The following MAPK6 variants were observed in gnomAD, a reference collection of about 807,000 sequenced individuals.
The protein encoded by MAPK6 is mitogen-activated protein kinase 6.
MAPK6 carries 19 observed loss-of-function variants against 59.3 expected under a neutral mutation model. That is an observed-to-expected ratio of 0.32 (90% CI 0.22 to 0.47). MAPK6 has a LOEUF of 0.47. Among genes scored for constraint, MAPK6 ranks in the 20% least tolerant of loss-of-function variants. MAPK6 has a pLI of 1.00. For missense variants in MAPK6, 724 were observed against 847.9 expected, an observed-to-expected ratio of 0.85 and a Z score of 1.81; for synonymous variants, 316 against 290.3, an observed-to-expected ratio of 1.09 and a Z score of -0.90.
intron 3 of MAPK6, among the ~76,000 whole-genome samples, chr15:52,007,414 A>G (rs1480078992): frequency 2.0e-5 from 3 of 152,218 alleles, no homozygotes; most frequent in Admixed American, 6.5e-5. Flanking sequence ...CTGCTAAGCT[A>G]GTTAAGAAGA....
chr15:51,971,854 C>T (rs1219004388), exon 1 of MAPK6: 1 of 1,206,602 alleles, frequency 8.3e-7, no homozygotes, highest in South Asian at 1.2e-5. Context: ...GAAGACACTC[C>T]TTTCCTTACG....
At chr15:52,043,523 A>G (rs2031493781) in intron 1 of MAPK6, among the ~76,000 whole-genome samples, 1 of 151,550 alleles carries the variant, frequency 6.6e-6, no homozygotes, top group African/African-American at 2.4e-5. Flanking sequence ...TCTCGAACTC[A>G]CGACCTGAGG....
At chr15:52,029,430 C>T (rs559592826) in intron 1 of MAPK6, among the ~76,000 whole-genome samples, 1 of 152,128 alleles carries the variant, frequency 6.6e-6, no homozygotes, top group Non-Finnish European at 1.5e-5. Flanking sequence ...AAATTCTTCC[C>T]TAGATGGTCT....
At chr15:51,989,511 G>C (rs1002510054) in intron 2 of MAPK6, among the ~76,000 whole-genome samples, 1 of 152,156 alleles carries the variant, frequency 6.6e-6, no homozygotes, top group East Asian at 1.9e-4. Flanking sequence ...ATACACAGGA[G>C]AGCTTCTTCA....
chr15:52,006,839 C>G (rs2029903622), intron 3 of MAPK6, among the ~76,000 whole-genome samples: 1 of 152,182 alleles, frequency 6.6e-6, no homozygotes, highest in East Asian at 1.9e-4. Flanking sequence ...CCATCCTTCT[C>G]TGTGGTCTCA....
intron 1 of MAPK6, among the ~76,000 whole-genome samples, chr15:52,033,097 A>G (rs1357947464): frequency 6.6e-6 from 1 of 152,228 alleles, no homozygotes; most frequent in Non-Finnish European, 1.5e-5. Context: ...GGCATAAGCC[A>G]CGGCACCTGG....
At chr15:51,979,631 A>C (rs1371379644) in intron 1 of MAPK6, among the ~76,000 whole-genome samples, 1 of 151,670 alleles carries the variant, frequency 6.6e-6, no homozygotes, top group Non-Finnish European at 1.5e-5. Flanking sequence ...CATCACTACG[A>C]AAAATACTAA....
chr15:52,062,031 TAACATAAA>T (rs2032224057), intron 5 of MAPK6, among the ~76,000 whole-genome samples: 1 of 151,974 alleles, frequency 6.6e-6, no homozygotes, highest in South Asian at 2.1e-4. Context: ...AGTTATATCT[TAACATAAA>T]AAGTATTTGA....
At chr15:52,043,703 T>C (rs550822892) in intron 1 of MAPK6, among the ~76,000 whole-genome samples, 1 of 147,830 alleles carries the variant, frequency 6.8e-6, no homozygotes, top group Non-Finnish European at 1.5e-5. Context: ...ATGGCTCAGC[T>C]AGATAATAGC....
chr15:52,040,364 A>C (rs2031378711), intron 1 of MAPK6, among the ~76,000 whole-genome samples: 1 of 152,222 alleles, frequency 6.6e-6, no homozygotes, highest in Non-Finnish European at 1.5e-5. Context: ...GAGCAAAATA[A>C]GAGCCTTTGT....
intron 2 of MAPK6, among the ~76,000 whole-genome samples, chr15:51,998,088 C>G (rs1318101375): frequency 2.6e-5 from 4 of 151,854 alleles, no homozygotes; most frequent in Admixed American, 6.6e-5. Context: ...GGACTACGGG[C>G]ACATGCCACC....
intron 2 of MAPK6, among the ~76,000 whole-genome samples, chr15:52,001,210 G>A (rs564648336): frequency 6.6e-6 from 1 of 152,202 alleles, no homozygotes. Flanking sequence ...CTCTCCAGAG[G>A]ATGCAGCCCT....
At chr15:52,060,354 C>T (rs1489989357) in intron 4 of MAPK6, among the ~76,000 whole-genome samples, 1 of 152,010 alleles carries the variant, frequency 6.6e-6, no homozygotes, top group Non-Finnish European at 1.5e-5. Flanking sequence ...TGTGAGTGAC[C>T]ATAGTGAAGA....
chr15:52,021,609 C>T (rs914993693), intron 1 of MAPK6: 2 of 152,150 alleles, frequency 1.3e-5, no homozygotes, highest in Admixed American at 6.6e-5. Context: ...ATGTTTGATA[C>T]TAGCAGTTTT....
At chr15:52,054,415 A>G (rs552281462) in intron 3 of MAPK6, among the ~76,000 whole-genome samples, 2 of 152,146 alleles carry the variant, frequency 1.3e-5, no homozygotes, top group Non-Finnish European at 2.9e-5. Flanking sequence ...ATTCTTTTGC[A>G]TGTGGACATC....
intron 3 of MAPK6, among the ~76,000 whole-genome samples, chr15:52,054,994 G>C (rs189967536): frequency 1.3e-5 from 2 of 152,156 alleles, no homozygotes; most frequent in Non-Finnish European, 2.9e-5. Context: ...TGGCCAGGCC[G>C]GTCTCAAATT....
intron 1 of MAPK6, among the ~76,000 whole-genome samples, chr15:51,975,439 G>C (rs2057154578): frequency 6.6e-6 from 1 of 151,490 alleles, no homozygotes; most frequent in East Asian, 1.9e-4. Context: ...TACTCAGGAG[G>C]CTGAGGCAGG....
chr15:52,019,540 T>G (rs1203868773), intron 1 of MAPK6, among the ~76,000 whole-genome samples, 164 bp downstream of exon 1: 13 of 145,558 alleles, frequency 8.9e-5, no homozygotes, highest in African/African-American at 3.2e-4. Flanking sequence ...GCGTTTTTGT[T>G]CGGTCTGCCG....
At chr15:52,023,748 A>G (rs1351312594) in intron 1 of MAPK6, among the ~76,000 whole-genome samples, 1 of 152,190 alleles carries the variant, frequency 6.6e-6, no homozygotes, top group East Asian at 1.9e-4. Flanking sequence ...AGTAGCTGGG[A>G]CTACAGGTGC....
Sources: gnomAD v4.1 joint callset for allele counts (sites outside exome capture counted in the v4.1 genomes callset) on GRCh38, gnomAD v4.1.1 for gene constraint, MANE v1.5 for transcripts, NCBI Gene and HGNC (gene_info 2026-07-23, HGNC 2026-07-21) for gene names.